The following TREH variants were observed in gnomAD, a reference collection of about 807,000 sequenced individuals.
TREH encodes the protein alpha,alpha-trehalose glucohydrolase.
Under a neutral mutation model 80.5 loss-of-function variants are expected in TREH, and 69 were observed. That is an observed-to-expected ratio of 0.86 (90% CI 0.71 to 1.05). TREH has a LOEUF of 1.05. Ranked by LOEUF, TREH falls within the 50% of genes least tolerant of loss-of-function variation. The probability of loss-of-function intolerance (pLI) is 0.00; values close to 1 mark genes in which losing one functional copy is unlikely to be tolerated. For synonymous variants in TREH, 309 were observed against 293.5 expected (o/e 1.05, Z -0.54); for missense variants, 716 against 718.8 (o/e 1.00, Z 0.04).
At chr11:118,678,473 CCT>C (rs1438368836) in intron 1 of TREH, among the ~76,000 whole-genome samples, 6 of 152,012 alleles carry the variant, frequency 3.9e-5, no homozygotes, top group Non-Finnish European at 7.4e-5. Context: ...AAGCGACTCT[CCT>C]GCCTCAGCCT....
intron 1 of TREH, among the ~76,000 whole-genome samples, chr11:118,668,508 G>C (rs767906652): frequency 2.5e-5 from 3 of 121,958 alleles, no homozygotes; most frequent in Non-Finnish European, 3.2e-5. Flanking sequence ...AGGTTGCAGA[G>C]CCGTGATTGT....
At chr11:118,659,612 G>A (rs573318072) in intron 11 of TREH, 131 bp from the exon 12 acceptor site, 5 of 1,337,110 alleles carry the variant, frequency 3.7e-6, no homozygotes, top group South Asian at 2.9e-5. Context: ...GCTGCCCCCC[G>A]GTGGCTCTGG....
rs1320103811 is a variant in TREH, at chr11:118,675,441, A to C, written c.89+4098T>G. Among the ~76,000 whole-genome samples, 3 of 152,300 alleles carry C rather than the reference A, an allele frequency of 2.0e-5. No homozygotes were observed. The East Asian group carries it at 5.8e-4, about 29-fold the overall frequency. The stretch of plus-strand genomic sequence containing the variant: ...CCTGCACTTATTACCAAGTGGCTAC[A>C]AATGTAGGGGTTCCCATAACCCTTT... On this transcript the variant is annotated intron_variant, in intron 1 of 14. Coordinates refer to ENST00000264029, the MANE Select transcript of TREH (RefSeq NM_007180.3).
intron 1 of TREH, among the ~76,000 whole-genome samples, chr11:118,676,846 C>T (rs549659576): frequency 6.4e-5 from 1 of 15,646 alleles, no homozygotes; most frequent in Admixed American, 9.7e-4. Flanking sequence ...ACATTCCTAT[C>T]ACTTGGGAGA....
At chr11:118,665,588 C>T (rs1398075321) in intron 1 of TREH, among the ~76,000 whole-genome samples, 2 of 152,018 alleles carry the variant, frequency 1.3e-5, no homozygotes, top group African/African-American at 2.4e-5. Context: ...TGCAGTGAGC[C>T]GAGATCACGC....
chr11:118,660,388 C>G (rs782048995), intron 10 of TREH, 151 bp downstream of exon 10: 4 of 749,802 alleles, frequency 5.3e-6, no homozygotes, highest in Middle Eastern at 3.8e-4. Flanking sequence ...TTGTCTGGTA[C>G]GCAAATGTGA....
At chr11:118,673,851 T>A (rs1236077477) in intron 1 of TREH, among the ~76,000 whole-genome samples, 1 of 152,228 alleles carries the variant, frequency 6.6e-6, no homozygotes, top group Admixed American at 6.5e-5. Flanking sequence ...AGTAACAACC[T>A]TCCAAACAAT....
At position 118,658,257 on chromosome 11, in the gene TREH, G is replaced by A; in HGVS notation, c.*32C>T. On this transcript the variant is annotated 3_prime_UTR_variant, in exon 15 of 15. Transcript: ENST00000264029. The stretch of plus-strand genomic sequence containing the variant: ...ACTGGTGCAGAGGTTTAATGGGGCA[G>A]GAGCTGGGGCCAGGTGAGGAGAGGA... 1 of 1,566,808 alleles carries A rather than the reference G, an allele frequency of 6.4e-7. No homozygotes were observed. The highest frequency in any genetic ancestry group is 1.3e-5 in the African/African-American group (1 of 74,120).
intron 1 of TREH, among the ~76,000 whole-genome samples, chr11:118,667,793 A>G (rs1393615507): frequency 2.0e-5 from 3 of 152,208 alleles, no homozygotes; most frequent in Admixed American, 2.0e-4. Flanking sequence ...TCTAAGGGAG[A>G]TAAGTTCCCC....
intron 1 of TREH, among the ~76,000 whole-genome samples, chr11:118,677,894 C>T (rs1949495111): frequency 6.6e-6 from 1 of 152,194 alleles, no homozygotes; most frequent in Non-Finnish European, 1.5e-5. Context: ...CTCTGAAGTC[C>T]TCATTACAAT....
At position 118,672,783 on chromosome 11, in the gene TREH, G is replaced by GA. The variant is rs545074869; in HGVS notation, c.89+6755dup. ...ACTCACTGGTAATAGTAAGCACACA[G>GA]AAAAAACACAGAATATAATAACACT... On this transcript the variant is annotated intron_variant, in intron 1 of 14. Transcript: ENST00000264029. Among the ~76,000 whole-genome samples, 16 of 147,150 alleles carry GA rather than the reference G, an allele frequency of 1.1e-4. No homozygotes were observed. The East Asian group carries it at 2.8e-3, about 26-fold the overall frequency.
rs184354433 is a variant in TREH, at chr11:118,665,508, C to T, written c.90-2069G>A. Among the ~76,000 whole-genome samples, 240 of 152,172 alleles carry T rather than the reference C, an allele frequency of 1.6e-3. 5 individuals are homozygous for T. The East Asian group carries it at 0.024, about 15-fold the overall frequency. The stretch of plus-strand genomic sequence containing the variant: ...ACAAAAAATTAGCCAGGCATGGTGG[C>T]GGGTGCCTGTAGTCCCAGCTGCTCA... On this transcript the variant is annotated intron_variant, in intron 1 of 14. Coordinates refer to ENST00000264029, the MANE Select transcript of TREH (RefSeq NM_007180.3).
rs782682859 is a variant in TREH, at chr11:118,658,302, A to G, written c.1739T>C (p.Leu580Pro). Residue 580 changes from leucine (L) to proline (P), a missense_variant, in exon 15 of 15, where the codon CTC becomes CCC. Leu to Pro is a moderately conservative substitution (Grantham distance 98). Transcript: ENST00000264029. ...ATLLPSLLLS[L>P]LPW is the part of the protein sequence containing the mutation. ...AGAGGAGGGCTGTCACCATGGCAGG[A>G]GGCTGAGCAGGAGGCTGGGCAGAAG... 1 of 1,586,676 alleles carries G rather than the reference A, an allele frequency of 6.3e-7. No individual in the cohort carries two copies. The highest frequency in any genetic ancestry group is 8.6e-7 in the Non-Finnish European group (1 of 1,167,432).
chr11:118,661,416 G>A lies in TREH; in HGVS notation c.711C>T (p.His237=), dbSNP rs1199610871. 5.0e-6 allele frequency: 8 copies of A among 1,613,866 alleles called. No homozygotes were observed. In the Admixed American group the frequency reaches 5.0e-5, roughly 10 times the overall value. The change falls in exon 7 of 15, where the codon CAC becomes CAT. Residue 237 remains histidine (H), a synonymous_variant. Transcript: ENST00000264029. This position sits in a 1 kb window ranked among gnomAD's most constrained non-coding sequence, Gnocchi z 4.2. ...ACTGTAGAAAGGCGGTGTCATTGGTGTGAGTCAAGTAGCAATCCATCATGA... is the reference window on the plus strand; with the variant it reads ...ACTGTAGAAAGGCGGTGTCATTGGTATGAGTCAAGTAGCAATCCATCATGA... The part of the protein sequence containing the change: ...LTLMMDCYLT[H]TNDTAFLQEN...
chr11:118,677,710 C>T (rs1434058127), intron 1 of TREH, among the ~76,000 whole-genome samples: 2 of 152,010 alleles, frequency 1.3e-5, no homozygotes, highest in Admixed American at 6.6e-5. Context: ...GGCGACAGAG[C>T]GAGACTCTGT....
rs782438204 is a variant in TREH, at chr11:118,660,916, C to T, written c.858-1G>A. On this transcript the variant is annotated splice_acceptor_variant, in intron 8 of 14. Coordinates refer to ENST00000264029, the MANE Select transcript of TREH (RefSeq NM_007180.3). LOFTEE classifies it high-confidence loss of function. ...CACATCTTTGCTGTAGGACTCAGGCCTGGCAAAGAGGAGAGGTGGGCAGCC... is the reference window on the plus strand; with the variant it reads ...CACATCTTTGCTGTAGGACTCAGGCTTGGCAAAGAGGAGAGGTGGGCAGCC... The T allele has an allele frequency of 1.9e-6, 3 of 1,570,496 alleles. No homozygotes were observed. Among genetic ancestry groups the T allele is most frequent in the East Asian group, 4.7e-5 (2 of 42,532 alleles).
At position 118,659,484 on chromosome 11, in the gene TREH, A is replaced by C. The variant is rs557300358; in HGVS notation, c.1321-3T>G. ...TGGTAAGTCAGGATCCGGTTGTCCTAGAAGGTCCCAGACATTCCCATGACT... is the reference window on the plus strand; with the variant it reads ...TGGTAAGTCAGGATCCGGTTGTCCTCGAAGGTCCCAGACATTCCCATGACT... On this transcript the variant is annotated splice_region_variant and splice_polypyrimidine_tract_variant and intron_variant, in intron 11 of 14. Transcript: ENST00000264029. The C allele has an allele frequency of 7.0e-6, 11 of 1,575,750 alleles. No homozygotes were observed. The highest frequency in any genetic ancestry group is 8.6e-7 in the Non-Finnish European group (1 of 1,159,690).
intron 1 of TREH, among the ~76,000 whole-genome samples, chr11:118,664,746 C>T (rs147469655): frequency 4.0e-4 from 61 of 152,150 alleles, no homozygotes; most frequent in Non-Finnish European, 5.9e-4. Flanking sequence ...AAAAGAGAGT[C>T]GAAACATTTG....
Position 118,661,108 on chromosome 11 carries a change from T to G in TREH, c.857+52A>C, listed in dbSNP as rs782490112. The G allele has an allele frequency of 6.2e-7, 1 of 1,612,612 alleles. No homozygotes were observed. The highest frequency in any genetic ancestry group is 8.5e-7 in the Non-Finnish European group (1 of 1,179,360). ...TCCTGCCCGGGGCATTGTGATGCTC[T>G]AACCAGAGTGAGCAGGTAAGAGATT... On this transcript the variant is annotated intron_variant, in intron 8 of 14. Coordinates refer to ENST00000264029, the MANE Select transcript of TREH (RefSeq NM_007180.3). The surrounding 1 kb of genome is among the most constrained non-coding windows in gnomAD (Gnocchi z 4.2).
Sources: allele counts gnomAD v4.1 joint callset (sites outside exome capture counted in the v4.1 genomes callset), GRCh38; gene constraint gnomAD v4.1.1; non-coding constraint Gnocchi (gnomAD v3.1); transcripts MANE v1.5; gene names NCBI Gene and HGNC (gene_info 2026-07-23, HGNC 2026-07-21).